KIF6: variants seen among roughly 807,000 people sequenced by gnomAD.
KIF6 encodes kinesin-like protein KIF6.
A neutral mutation model predicts 112.7 loss-of-function variants in KIF6; 106 were observed. The observed-to-expected ratio is 0.94, with a 90% CI of 0.80 to 1.11. The LOEUF (loss-of-function observed/expected upper bound fraction) is 1.11, where lower values mean the gene tolerates loss of function less well. Among genes scored for constraint, KIF6 ranks in the 50% least tolerant of loss-of-function variants. The probability of loss-of-function intolerance (pLI) is 0.00; values close to 1 mark genes in which losing one functional copy is unlikely to be tolerated. For missense variants in KIF6, 929 were observed against 964.0 expected (o/e 0.96, Z 0.48); for synonymous variants, 339 against 339.9 (o/e 1.00, Z 0.03).
intron 1 of KIF6, among the ~76,000 whole-genome samples, chr6:39,721,464 G>C (rs936807343): frequency 6.6e-6 from 1 of 152,192 alleles, no homozygotes; most frequent in Admixed American, 6.5e-5. Context: ...TATGGAAATA[G>C]AGGGTCTTAA....
At chr6:39,426,781 G>T (rs2150374635) in intron 14 of KIF6, among the ~76,000 whole-genome samples, 1 of 152,138 alleles carries the variant, frequency 6.6e-6, no homozygotes, top group Non-Finnish European at 1.5e-5. Context: ...GAATGAAGGG[G>T]ATGGGGGAAC....
rs1766614434 is a variant in KIF6, at chr6:39,378,279, C to T, written c.1861+7343G>A. ...CACACACAAACCCACAAACCACACACACATACACACCACACACACAAGCAC... is the reference window on the plus strand; with the variant it reads ...CACACACAAACCCACAAACCACACATACATACACACCACACACACAAGCAC... On this transcript the variant is annotated intron_variant, in intron 16 of 22. Coordinates refer to ENST00000287152, the MANE Select transcript of KIF6 (RefSeq NM_145027.6). The surrounding 1 kb of genome is among the most constrained non-coding windows in gnomAD (Gnocchi z 5.0). Among the ~76,000 whole-genome samples the T allele has an allele frequency of 6.6e-6, 1 of 151,858 alleles. No homozygotes were observed. Among genetic ancestry groups the T allele is most frequent in the African/African-American group, 2.4e-5 (1 of 41,316 alleles).
At chr6:39,555,636 C>T (rs1779664319) in intron 10 of KIF6, among the ~76,000 whole-genome samples, 1 of 152,002 alleles carries the variant, frequency 6.6e-6, no homozygotes, top group South Asian at 2.1e-4. Context: ...TATTTAGAGC[C>T]ATTTGCAGAG....
intron 12 of KIF6, among the ~76,000 whole-genome samples, chr6:39,540,757 T>C (rs1184373885): frequency 6.6e-6 from 1 of 152,212 alleles, no homozygotes; most frequent in African/African-American, 2.4e-5. Flanking sequence ...AGCACGTGCT[T>C]ATGTAGAGTT....
At position 39,712,922 on chromosome 6, in the gene KIF6, G is replaced by A. The variant is rs190109836; in HGVS notation, c.251+1770C>T. 3.9e-5 allele frequency among the ~76,000 whole-genome samples: 6 copies of A among 152,236 alleles called. No individual in the cohort carries two copies. The South Asian group carries it at 8.3e-4, about 21-fold the overall frequency. On this transcript the variant is annotated intron_variant, in intron 3 of 22. Transcript: ENST00000287152. Reference sequence around the variant, plus strand: ...CCTATGTAACAAACCTGCACGTTGCGCACATGTACCCTAGAACTTAAAGTA... The same window carrying A: ...CCTATGTAACAAACCTGCACGTTGCACACATGTACCCTAGAACTTAAAGTA...
chr6:39,637,436 G>A (rs369661934), intron 4 of KIF6, among the ~76,000 whole-genome samples: 2 of 151,978 alleles, frequency 1.3e-5, no homozygotes, highest in East Asian at 1.9e-4. Flanking sequence ...CCCAAAACAA[G>A]TTTGAAACTC....
intron 3 of KIF6, among the ~76,000 whole-genome samples, chr6:39,697,866 A>G (rs933907792): frequency 6.6e-6 from 1 of 152,116 alleles, no homozygotes; most frequent in Admixed American, 6.6e-5. Context: ...TCATTTTTCT[A>G]TGTGACCTAA....
chr6:39,466,172 G>A (rs116603899), intron 13 of KIF6, among the ~76,000 whole-genome samples: 27 of 152,250 alleles, frequency 1.8e-4, no homozygotes, highest in Middle Eastern at 3.4e-3. Context: ...ACATAAATAC[G>A]GCTGTGTAAA....
Position 39,527,104 on chromosome 6 carries a change from G to T in KIF6, c.1645+12899C>A, listed in dbSNP as rs115827918. Among the ~76,000 whole-genome samples, 725 of 152,260 alleles carry T rather than the reference G, an allele frequency of 4.8e-3. 4 individuals are homozygous for T. Among genetic ancestry groups the T allele is most frequent in the African/African-American group, 0.016 (681 of 41,548 alleles). Reference sequence around the variant, plus strand: ...TAGTAGTTTGTAAGCAGTTTGTAAAGGCTTAATATACTCTTTGAGCAAGAG... The same window carrying T: ...TAGTAGTTTGTAAGCAGTTTGTAAATGCTTAATATACTCTTTGAGCAAGAG... On this transcript the variant is annotated intron_variant, in intron 13 of 22. Transcript: ENST00000287152.
chr6:39,391,691 T>C (rs1055763437), intron 15 of KIF6, among the ~76,000 whole-genome samples: 6 of 152,158 alleles, frequency 3.9e-5, no homozygotes, highest in African/African-American at 1.4e-4. Flanking sequence ...TGCCAAAATA[T>C]ATGAATAAAT....
chr6:39,401,820 G>A (rs115900157), intron 15 of KIF6, among the ~76,000 whole-genome samples: 64 of 152,086 alleles, frequency 4.2e-4, no homozygotes, highest in African/African-American at 1.5e-3. Flanking sequence ...CATTATCCTT[G>A]TCTGAAAAAT....
chr6:39,335,189 G>GC lies in KIF6; in HGVS notation c.*1342dup, dbSNP rs2113871493. ...GAAGGATAACATGTCAGATAGTGAT[G>GC]CAGAAAAAATGGTAATGGGATAGGG... On this transcript the variant is annotated 3_prime_UTR_variant, in exon 23 of 23. Transcript: ENST00000287152. 1 of 152,288 alleles carries GC rather than the reference G, an allele frequency of 6.6e-6. No individual in the cohort carries two copies. The highest frequency in any genetic ancestry group is 2.4e-5 in the African/African-American group (1 of 41,536). 9.4% of individuals were successfully genotyped at this position (152,288 alleles called of 1,614,324 possible).
At chr6:39,351,270 C>G (rs550655513) in intron 19 of KIF6, among the ~76,000 whole-genome samples, 3 of 149,576 alleles carry the variant, frequency 2.0e-5, no homozygotes, top group Non-Finnish European at 3.0e-5. Context: ...CGCTCTGTCA[C>G]CCAGACTAGA....
intron 3 of KIF6, among the ~76,000 whole-genome samples, chr6:39,706,682 G>A (rs1323915440): frequency 1.3e-5 from 2 of 152,204 alleles, no homozygotes; most frequent in Non-Finnish European, 1.5e-5. Context: ...TATAAACAAC[G>A]CATCTGGCAA....
At chr6:39,657,552 T>A (rs1785874945) in intron 3 of KIF6, among the ~76,000 whole-genome samples, 2 of 152,220 alleles carry the variant, frequency 1.3e-5, no homozygotes, top group Non-Finnish European at 2.9e-5. Flanking sequence ...TAACAAGCAG[T>A]GTCAACACAA....
chr6:39,364,001 T>C (rs1765370992), intron 16 of KIF6, among the ~76,000 whole-genome samples: 1 of 152,188 alleles, frequency 6.6e-6, no homozygotes, highest in Admixed American at 6.5e-5. Context: ...ACCTCTACTT[T>C]GGCTCTTTGG....
chr6:39,358,310 G>A (rs538706717), intron 18 of KIF6, among the ~76,000 whole-genome samples: 3 of 152,310 alleles, frequency 2.0e-5, no homozygotes, highest in African/African-American at 7.2e-5. Flanking sequence ...ATGAGGTTTG[G>A]AGCTTTCTGC....
chr6:39,649,519 A>G (rs192117297), intron 3 of KIF6, among the ~76,000 whole-genome samples: 43 of 152,332 alleles, frequency 2.8e-4, no homozygotes, highest in Middle Eastern at 3.4e-3. Context: ...AAATATAGCT[A>G]GCAGAGCATT....
At chr6:39,646,919 G>A (rs1000659266) in intron 3 of KIF6, among the ~76,000 whole-genome samples, 1 of 152,142 alleles carries the variant, frequency 6.6e-6, no homozygotes, top group Non-Finnish European at 1.5e-5. Context: ...TCTGTCTACT[G>A]TAACCCTCTT....
Sources: allele counts gnomAD v4.1 joint callset (sites outside exome capture counted in the v4.1 genomes callset), GRCh38; gene constraint gnomAD v4.1.1; non-coding constraint Gnocchi (gnomAD v3.1); transcripts MANE v1.5; gene names NCBI Gene and HGNC (gene_info 2026-07-23, HGNC 2026-07-21).